The following PDE4B variants were observed in gnomAD, a reference collection of about 807,000 sequenced individuals.
The protein encoded by PDE4B is 3',5'-cyclic-AMP phosphodiesterase 4B.
Under a neutral mutation model 82.2 loss-of-function variants are expected in PDE4B, and 20 were observed. That is an observed-to-expected ratio of 0.24 (90% confidence interval 0.17 to 0.35). The LOEUF is 0.35. PDE4B is among the 10% of genes least tolerant of loss of function. The pLI is 1.00. For synonymous variants in PDE4B, 320 were observed against 318.9 expected, an observed-to-expected ratio of 1.00 and a Z score of -0.04; for missense variants, 655 against 907.2, an observed-to-expected ratio of 0.72 and a Z score of 3.57.
At chr1:65,872,956 T>G (rs907783202) in intron 1 of PDE4B, among the ~76,000 whole-genome samples, 3 of 152,208 alleles carry the variant, frequency 2.0e-5, no homozygotes, top group Non-Finnish European at 4.4e-5. Context: ...TAGCATTGGA[T>G]CCACATCTTC....
intron 3 of PDE4B, among the ~76,000 whole-genome samples, chr1:66,069,903 C>A (rs978574655): frequency 6.6e-6 from 1 of 151,948 alleles, no homozygotes; most frequent in African/African-American, 2.4e-5. Context: ...AAGATTTACT[C>A]CTTTTTGATT....
chr1:65,909,771 G>T (rs576009811), intron 1 of PDE4B, among the ~76,000 whole-genome samples: 1 of 152,278 alleles, frequency 6.6e-6, no homozygotes, highest in South Asian at 2.1e-4. Context: ...AAGAGAACCT[G>T]ATCTGTCCTC....
At chr1:65,830,417 C>A (rs1250732283) in intron 1 of PDE4B, among the ~76,000 whole-genome samples, 1 of 152,098 alleles carries the variant, frequency 6.6e-6, no homozygotes, top group South Asian at 2.1e-4. Flanking sequence ...AATAAAGTCG[C>A]TTCACAGTGG....
intron 7 of PDE4B, among the ~76,000 whole-genome samples, chr1:66,302,498 G>A (rs1175050508): frequency 6.6e-6 from 1 of 152,158 alleles, no homozygotes; most frequent in East Asian, 1.9e-4. Flanking sequence ...GAAACAGGGA[G>A]TGGCCTGGGT....
intron 3 of PDE4B, among the ~76,000 whole-genome samples, chr1:66,163,321 T>G (rs1646655530): frequency 1.3e-5 from 2 of 152,224 alleles, no homozygotes; most frequent in African/African-American, 4.8e-5. Flanking sequence ...ATATTTAGTC[T>G]CTTATCTATT....
At chr1:66,347,888 C>A (rs962966592) in intron 8 of PDE4B, among the ~76,000 whole-genome samples, 4 of 152,126 alleles carry the variant, frequency 2.6e-5, no homozygotes, top group Non-Finnish European at 5.9e-5. Flanking sequence ...ATGGAATTAA[C>A]TTCTTAAAGA....
chr1:65,972,071 A>T lies in PDE4B; in HGVS notation c.281+53236A>T, dbSNP rs12071140. 4.9e-3 allele frequency among the ~76,000 whole-genome samples: 748 copies of T among 152,310 alleles called. 8 individuals are homozygous for T. The highest frequency in any genetic ancestry group is 0.016 in the African/African-American group (666 of 41,570). On this transcript the variant is annotated intron_variant, in intron 3 of 16. Coordinates refer to ENST00000341517, the MANE Select transcript of PDE4B (RefSeq NM_002600.4). ...AGGCAGACTAGGTAGATTCTGGTAT[A>T]AAAAATTTGGTAATATATTATGACT...
intron 3 of PDE4B, among the ~76,000 whole-genome samples, chr1:66,169,329 A>G (rs912324571): frequency 6.6e-6 from 1 of 152,232 alleles, no homozygotes; most frequent in Non-Finnish European, 1.5e-5. Flanking sequence ...GCCAGCGGTG[A>G]AAGTTTAAAT....
At chr1:65,967,947 C>T (rs1649928175) in intron 3 of PDE4B, among the ~76,000 whole-genome samples, 1 of 151,914 alleles carries the variant, frequency 6.6e-6, no homozygotes, top group African/African-American at 2.4e-5. Flanking sequence ...CAACAAACCA[C>T]CATGGCATGT....
In PDE4B at chr1:66,363,327, T is replaced by TC; in HGVS notation, c.1119+63dup. On this transcript the variant is annotated intron_variant, in intron 11 of 16. Coordinates refer to ENST00000341517, the MANE Select transcript of PDE4B (RefSeq NM_002600.4). ...GGATGGCTCTTTATGATTTTTTTTT[T>TC]CCATCTTACTTTTCTGATTTAACTT... The TC allele has an allele frequency of 2.6e-6, 4 of 1,541,424 alleles. No homozygotes were observed. The South Asian group carries it at 4.7e-5, about 18-fold the overall frequency.
chr1:66,218,918 A>G (rs1200254223), intron 3 of PDE4B, among the ~76,000 whole-genome samples: 3 of 152,128 alleles, frequency 2.0e-5, no homozygotes, highest in African/African-American at 7.2e-5. Flanking sequence ...GTGGGATTTA[A>G]TTATGTTTTG....
At chr1:66,088,713 T>C (rs1430533587) in intron 3 of PDE4B, among the ~76,000 whole-genome samples, 2 of 152,092 alleles carry the variant, frequency 1.3e-5, no homozygotes, top group African/African-American at 2.4e-5. Context: ...CAGAGCCTAG[T>C]AGTCATTGGG....
chr1:66,143,577 A>G lies in PDE4B; in HGVS notation c.282-103883A>G, dbSNP rs191720779. Among the ~76,000 whole-genome samples, 5 of 152,332 alleles carry G rather than the reference A, an allele frequency of 3.3e-5. No homozygotes were observed. In the East Asian group the frequency reaches 7.7e-4, roughly 23 times the overall value. On this transcript the variant is annotated intron_variant, in intron 3 of 16. Coordinates refer to ENST00000341517, the MANE Select transcript of PDE4B (RefSeq NM_002600.4). ...GATGCCATATAGTGGAATAGCAGAC[A>G]CTGCTGGGCATACCTCCTTATGAAC... is the stretch of plus-strand genomic sequence containing the variant.
At chr1:66,191,634 G>T (rs1460775920) in intron 3 of PDE4B, among the ~76,000 whole-genome samples, 1 of 152,152 alleles carries the variant, frequency 6.6e-6, no homozygotes, top group East Asian at 1.9e-4. Context: ...CATGCAAGTG[G>T]AAGGGGAGAA....
chr1:66,334,607 T>A (rs1034449813), intron 8 of PDE4B, among the ~76,000 whole-genome samples: 7 of 152,220 alleles, frequency 4.6e-5, no homozygotes, highest in Non-Finnish European at 8.8e-5. Flanking sequence ...GTAAAAAGCA[T>A]GCAGCCTCAG....
intron 1 of PDE4B, among the ~76,000 whole-genome samples, chr1:65,804,165 G>A (rs1314336708): frequency 1.3e-5 from 2 of 152,270 alleles, no homozygotes; most frequent in African/African-American, 4.8e-5. Context: ...AAAATACTGG[G>A]TCTCTTTCAT....
chr1:65,910,964 A>T (rs898621211), intron 1 of PDE4B, among the ~76,000 whole-genome samples: 1 of 152,118 alleles, frequency 6.6e-6, no homozygotes, highest in Non-Finnish European at 1.5e-5. Flanking sequence ...ACATATATTG[A>T]CTTTTTTCCC....
At chr1:66,004,905 C>T (rs994689182) in intron 3 of PDE4B, among the ~76,000 whole-genome samples, 1 of 151,816 alleles carries the variant, frequency 6.6e-6, no homozygotes, top group African/African-American at 2.4e-5. Context: ...CATCAACTTC[C>T]TCATCAGTAA....
intron 1 of PDE4B, among the ~76,000 whole-genome samples, chr1:65,831,362 G>T (rs1646079651): frequency 6.6e-6 from 1 of 152,088 alleles, no homozygotes; most frequent in Admixed American, 6.6e-5. Flanking sequence ...CATGACTAGT[G>T]AATTCACAAA....
Sources: allele counts gnomAD v4.1 joint callset (sites outside exome capture counted in the v4.1 genomes callset), GRCh38; gene constraint gnomAD v4.1.1; transcripts MANE v1.5; gene names NCBI Gene and HGNC (gene_info 2026-07-23, HGNC 2026-07-21).